The following XYLT1 variants were observed in gnomAD, a reference collection of about 807,000 sequenced individuals.
XYLT1 encodes xylosyltransferase 1, also known as beta-D-xylosyltransferase 1.
In XYLT1, 36 loss-of-function variants were observed where a neutral mutation model predicts 91.3. That is an observed-to-expected ratio of 0.39 (90% CI 0.30 to 0.52). The LOEUF (loss-of-function observed/expected upper bound fraction) is 0.52. Ranked by LOEUF, XYLT1 falls within the 20% of genes least tolerant of loss-of-function variation. XYLT1 has a pLI of 0.68. For missense variants in XYLT1, 1,242 were observed against 1,284.5 expected (o/e 0.97, Z 0.51); for synonymous variants, 588 against 532.0 (o/e 1.11, Z -1.45).
At chr16:17,305,370 T>C (rs748696906) in intron 2 of XYLT1, among the ~76,000 whole-genome samples, 1 of 152,136 alleles carries the variant, frequency 6.6e-6, no homozygotes, top group Non-Finnish European at 1.5e-5. Flanking sequence ...TGTGCAGCTT[T>C]AGTTTTCTTA....
chr16:17,162,092 G>C (rs1207515704), intron 5 of XYLT1, among the ~76,000 whole-genome samples: 1 of 152,134 alleles, frequency 6.6e-6, no homozygotes, highest in African/African-American at 2.4e-5. Flanking sequence ...TATTGCATTT[G>C]ATAGTCACAA....
chr16:17,149,439 G>A (rs2031228540), intron 6 of XYLT1, among the ~76,000 whole-genome samples: 2 of 151,626 alleles, frequency 1.3e-5, no homozygotes, highest in South Asian at 4.1e-4. Context: ...AAGTCACAAT[G>A]CCTAGAAAAA....
At chr16:17,134,306 G>A (rs1248398506) in intron 9 of XYLT1, among the ~76,000 whole-genome samples, 167 bp downstream of exon 9, 2 of 152,114 alleles carry the variant, frequency 1.3e-5, no homozygotes, top group Non-Finnish European at 2.9e-5. Flanking sequence ...GAAATGCCAC[G>A]CACGCTAGGA....
intron 3 of XYLT1, among the ~76,000 whole-genome samples, chr16:17,247,791 A>T (rs776534393): frequency 1.7e-4 from 26 of 152,144 alleles, no homozygotes; most frequent in Non-Finnish European, 3.1e-4. Flanking sequence ...GGCACTGAGG[A>T]TTTCCTTCCA....
At chr16:17,295,300 G>C (rs1174914056) in intron 2 of XYLT1, among the ~76,000 whole-genome samples, 1 of 151,948 alleles carries the variant, frequency 6.6e-6, no homozygotes, top group Non-Finnish European at 1.5e-5. Flanking sequence ...GAAGAAATGG[G>C]GGATAGATCA....
rs570788656 is a variant in XYLT1 at position 17,134,642 on chromosome 16, A to T, written c.1858T>A (p.Tyr620Asn). ...CGCAGGCCCGGGGTACCTGCAGGGTAGTTCCCGTACAGGTAATAGTCCAGC... is the reference window on the plus strand; with the variant it reads ...CGCAGGCCCGGGGTACCTGCAGGGTTGTTCCCGTACAGGTAATAGTCCAGC... The part of the protein sequence containing the change: ...GQLDYYLYGN[Y>N]PAGTPGLRSY... The change falls in exon 9 of 12, where the codon TAC (tyrosine) becomes AAC (asparagine). Residue 620 changes from tyrosine to asparagine, a missense_variant. Transcript: ENST00000261381. 1 of 1,614,226 alleles carries T rather than the reference A, an allele frequency of 6.2e-7. No individual in the cohort carries two copies. The highest frequency in any genetic ancestry group is 8.5e-7 in the Non-Finnish European group (1 of 1,180,038).
At chr16:17,194,236 C>G (rs2032379200) in intron 5 of XYLT1, 1 of 152,170 alleles carries the variant, frequency 6.6e-6, no homozygotes, top group Non-Finnish European at 1.5e-5. Flanking sequence ...TTTACTTGCC[C>G]GCGGTCACGC....
At chr16:17,289,651 T>C (rs1483529125) in intron 2 of XYLT1, among the ~76,000 whole-genome samples, 1 of 152,140 alleles carries the variant, frequency 6.6e-6, no homozygotes, top group Non-Finnish European at 1.5e-5. Flanking sequence ...ATCATCAGGG[T>C]GACAGTTGAG....
chr16:17,207,048 C>CTTT (rs1442082483), intron 3 of XYLT1, among the ~76,000 whole-genome samples: 5 of 89,346 alleles, frequency 5.6e-5, no homozygotes, highest in South Asian at 6.0e-4. Flanking sequence ...GTTTTCTTTT[C>CTTT]TTTCTTTTTT....
At chr16:17,138,292 TTCTGCAGAGGTTTGTTGG>T in intron 8 of XYLT1, 45 bp downstream of exon 8, 1 of 1,576,776 alleles carries the variant, frequency 6.3e-7, no homozygotes, top group Non-Finnish European at 8.7e-7. Context: ...GGCCTTGGAT[TTCTGCAGAGGTTTGTTGG>T]GAAGGCATCA....
chr16:17,154,669 A>G (rs2031363685), intron 6 of XYLT1, among the ~76,000 whole-genome samples: 1 of 152,214 alleles, frequency 6.6e-6, no homozygotes, highest in Non-Finnish European at 1.5e-5. Context: ...GGAGGAAAGC[A>G]AGGAGAAACA....
chr16:17,457,606 C>G (rs2036761965), intron 1 of XYLT1, among the ~76,000 whole-genome samples: 1 of 152,182 alleles, frequency 6.6e-6, no homozygotes, highest in African/African-American at 2.4e-5. Context: ...TCAGACGTCA[C>G]AATTTGAAAA....
In XYLT1 at chr16:17,102,735, G is replaced by C. The variant is rs966136118; in HGVS notation, c.*5960C>G. Reference sequence around the variant, plus strand: ...CTACATATTTCAGCGTGTGCCATTTGAATTCTTTTTTTAAAACTTTATTTA... The same window carrying C: ...CTACATATTTCAGCGTGTGCCATTTCAATTCTTTTTTTAAAACTTTATTTA... On this transcript the variant is annotated 3_prime_UTR_variant, in exon 12 of 12. Transcript: ENST00000261381. 7 of 147,674 alleles carry C rather than the reference G, an allele frequency of 4.7e-5. No homozygotes were observed. In the East Asian group the frequency reaches 1.4e-3, roughly 29 times the overall value. 9.1% of individuals were successfully genotyped at this position (147,674 alleles called of 1,614,324 possible).
intron 3 of XYLT1, among the ~76,000 whole-genome samples, chr16:17,226,484 T>C (rs7204750): frequency 0.16 from 24,098 of 152,212 alleles, 2,101 homozygotes; most frequent in African/African-American, 0.2. Context: ...CTTTCTTTAG[T>C]TGTGACCATT....
At chr16:17,400,604 A>AGAGGGAGGGAGG (rs1256334595) in intron 1 of XYLT1, among the ~76,000 whole-genome samples, 15 of 121,416 alleles carry the variant, frequency 1.2e-4, no homozygotes, top group Non-Finnish European at 1.7e-4. Flanking sequence ...AAAAAGAAAG[A>AGAGGGAGGGAGG]GAGGGAGGGA....
At chr16:17,139,137 AAAAACTAGAGGAG>A (rs1174291940) in intron 7 of XYLT1, among the ~76,000 whole-genome samples, 13 of 152,332 alleles carry the variant, frequency 8.5e-5, no homozygotes, top group African/African-American at 3.1e-4. Context: ...ATCTGAAAAG[AAAAACTAGAGGAG>A]AAACAATCAA....
intron 11 of XYLT1, among the ~76,000 whole-genome samples, chr16:17,115,694 C>G (rs1966850589): frequency 6.7e-6 from 1 of 148,710 alleles, no homozygotes; most frequent in South Asian, 2.1e-4. Flanking sequence ...CCAGGCTGGT[C>G]AGGCTGGTCT....
At chr16:17,125,727 T>C (rs183299107) in intron 10 of XYLT1, among the ~76,000 whole-genome samples, 3 of 152,298 alleles carry the variant, frequency 2.0e-5, no homozygotes, top group South Asian at 4.2e-4. Context: ...ATACCTGTCA[T>C]TAGCTGAGCT....
chr16:17,289,455 C>G (rs566822170), intron 2 of XYLT1, among the ~76,000 whole-genome samples: 1 of 152,312 alleles, frequency 6.6e-6, no homozygotes, highest in Admixed American at 6.5e-5. Flanking sequence ...ACAAGTACCT[C>G]TCAACTCAAG....
Sources: gnomAD v4.1 joint callset for allele counts (sites outside exome capture counted in the v4.1 genomes callset) on GRCh38, gnomAD v4.1.1 for gene constraint, MANE v1.5 for transcripts, NCBI Gene and HGNC (gene_info 2026-07-23, HGNC 2026-07-21) for gene names.